The following PDZRN4 variants were observed in gnomAD, a reference collection of about 807,000 sequenced individuals.
PDZRN4 encodes PDZ domain-containing RING finger protein 4.
Under a neutral mutation model 99.0 loss-of-function variants are expected in PDZRN4, and 70 were observed. That is an observed-to-expected ratio of 0.71 (90% CI 0.58 to 0.86). PDZRN4 has a LOEUF of 0.86. Ranked by LOEUF, PDZRN4 falls within the 40% of genes least tolerant of loss-of-function variation. The probability of loss-of-function intolerance (pLI) is 0.00; values close to 1 mark genes in which losing one functional copy is unlikely to be tolerated. For synonymous variants in PDZRN4, 551 were observed against 501.6 expected (o/e 1.10, Z -1.32); for missense variants, 1,474 against 1,331.2 (o/e 1.11, Z -1.67).
intron 3 of PDZRN4, among the ~76,000 whole-genome samples, chr12:41,489,822 T>C (rs1421486310): frequency 6.6e-6 from 1 of 152,130 alleles, no homozygotes. Flanking sequence ...AGCCAATAGT[T>C]CTGGGCTCTG....
At chr12:41,379,549 A>AT (rs1352517214) in intron 3 of PDZRN4, among the ~76,000 whole-genome samples, 3 of 150,892 alleles carry the variant, frequency 2.0e-5, no homozygotes, top group Admixed American at 2.0e-4. Flanking sequence ...CATAAATGTC[A>AT]TTTTTTCCAT....
At chr12:41,444,206 G>A (rs993480717) in intron 3 of PDZRN4, among the ~76,000 whole-genome samples, 5 of 152,084 alleles carry the variant, frequency 3.3e-5, no homozygotes, top group Non-Finnish European at 7.4e-5. Context: ...GCTGCTGGGC[G>A]TGCTGTCAGC....
At chr12:41,355,267 C>A (rs1460857983) in intron 3 of PDZRN4, among the ~76,000 whole-genome samples, 1 of 152,028 alleles carries the variant, frequency 6.6e-6, no homozygotes, top group Non-Finnish European at 1.5e-5. Context: ...TGCTACTTTC[C>A]TTAAAGGTCA....
In PDZRN4 at chr12:41,570,960, T is replaced by C. The variant is rs574543824; in HGVS notation, c.1585-1404T>C. On this transcript the variant is annotated intron_variant, in intron 9 of 9. Transcript: ENST00000402685. ...CTCTCCTCTTGATATTGTTACTTTT[T>C]ATCCTGCCACTACTTTTGTGGAACA... Among the ~76,000 whole-genome samples, 1,120 of 151,968 alleles carry C rather than the reference T, an allele frequency of 7.4e-3. 20 individuals carry two copies. The highest frequency in any genetic ancestry group is 0.026 in the African/African-American group (1,070 of 41,442).
intron 3 of PDZRN4, among the ~76,000 whole-genome samples, chr12:41,261,513 G>C (rs1380719645): frequency 6.6e-6 from 1 of 152,156 alleles, no homozygotes; most frequent in Non-Finnish European, 1.5e-5. Flanking sequence ...TTTTTGAGAT[G>C]GAGTCTCGCT....
At chr12:41,369,494 TTC>T (rs1374030914) in intron 3 of PDZRN4, among the ~76,000 whole-genome samples, 1 of 152,074 alleles carries the variant, frequency 6.6e-6, no homozygotes, top group African/African-American at 2.4e-5. Flanking sequence ...ATTGTATCAA[TTC>T]TCTTTTTAAT....
chr12:41,332,688 A>G (rs1247987208), intron 3 of PDZRN4, among the ~76,000 whole-genome samples: 2 of 151,276 alleles, frequency 1.3e-5, no homozygotes, highest in East Asian at 3.9e-4. Flanking sequence ...CTGAGTACAA[A>G]CTACTCCAAA....
chr12:41,377,004 T>G (rs1481300986), intron 3 of PDZRN4, among the ~76,000 whole-genome samples: 1 of 152,222 alleles, frequency 6.6e-6, no homozygotes, highest in East Asian at 1.9e-4. Context: ...CCATTGTGTA[T>G]TCTTGGCACT....
At chr12:41,227,475 G>A (rs1176293452) in intron 3 of PDZRN4, among the ~76,000 whole-genome samples, 3 of 151,846 alleles carry the variant, frequency 2.0e-5, no homozygotes, top group African/African-American at 4.8e-5. Context: ...AACCAGCCTG[G>A]GCAACATGGC....
At chr12:41,572,027 A>T (rs917209086) in intron 9 of PDZRN4, among the ~76,000 whole-genome samples, 3 of 152,208 alleles carry the variant, frequency 2.0e-5, no homozygotes, top group African/African-American at 7.2e-5. Flanking sequence ...CACCTCAGAA[A>T]TTCATACAGT....
At chr12:41,299,420 C>T (rs965591884) in intron 3 of PDZRN4, among the ~76,000 whole-genome samples, 1 of 152,014 alleles carries the variant, frequency 6.6e-6, no homozygotes, top group Admixed American at 6.6e-5. Context: ...CTGTTGGACG[C>T]ACAATTTGTG....
chr12:41,536,506 T>C (rs1358762173), intron 5 of PDZRN4, among the ~76,000 whole-genome samples: 1 of 152,176 alleles, frequency 6.6e-6, no homozygotes, highest in Non-Finnish European at 1.5e-5. Flanking sequence ...GGTAGATACA[T>C]GCCATTATAC....
chr12:41,474,235 T>C (rs1347202305), intron 3 of PDZRN4, among the ~76,000 whole-genome samples: 4 of 152,236 alleles, frequency 2.6e-5, no homozygotes, highest in Non-Finnish European at 5.9e-5. Flanking sequence ...CACTGACATA[T>C]GACTTCTCAA....
At position 41,475,538 on chromosome 12, in the gene PDZRN4, A is replaced by G. The variant is rs556745331; in HGVS notation, c.844-30918A>G. Among the ~76,000 whole-genome samples, 3 of 152,332 alleles carry G rather than the reference A, an allele frequency of 2.0e-5. No homozygotes were observed. The East Asian group carries it at 5.8e-4, about 29-fold the overall frequency. ...GGAGAAACACATTCTTTGCAGCTTT[A>G]AATGGTATTGTAGAAAATTCTCATA... On this transcript the variant is annotated intron_variant, in intron 3 of 9. Coordinates refer to ENST00000402685, the MANE Select transcript of PDZRN4 (RefSeq NM_001164595.2).
intron 2 of PDZRN4, among the ~76,000 whole-genome samples, chr12:41,192,625 T>C (rs1950742204): frequency 6.6e-6 from 1 of 152,238 alleles, no homozygotes; most frequent in Non-Finnish European, 1.5e-5. Flanking sequence ...GTGCAATTAC[T>C]CAGTTTGAAG....
intron 3 of PDZRN4, among the ~76,000 whole-genome samples, chr12:41,502,463 A>G (rs1033867841): frequency 2.0e-5 from 3 of 151,962 alleles, no homozygotes; most frequent in African/African-American, 7.2e-5. Context: ...GCAAACTCAA[A>G]CCCCATAACA....
chr12:41,319,086 A>G (rs1951657630), intron 3 of PDZRN4, among the ~76,000 whole-genome samples: 1 of 152,146 alleles, frequency 6.6e-6, no homozygotes, highest in Non-Finnish European at 1.5e-5. Flanking sequence ...ATGCATCTTG[A>G]ATGCTTCAGA....
rs117166575 is a variant in PDZRN4 at position 41,340,442 on chromosome 12, G to T, written c.843+146254G>T. On this transcript the variant is annotated intron_variant, in intron 3 of 9. Coordinates refer to ENST00000402685, the MANE Select transcript of PDZRN4 (RefSeq NM_001164595.2). ...TACCAGAGGCTGGGAAGGGTAGTGA[G>T]GTTGGGGGTGAGGAAGTAGGGATGG... 2.2e-4 allele frequency among the ~76,000 whole-genome samples: 34 copies of T among 151,930 alleles called. No homozygotes were observed. The East Asian group carries it at 4.7e-3, about 21-fold the overall frequency.
At chr12:41,378,161 A>C (rs180753850) in intron 3 of PDZRN4, among the ~76,000 whole-genome samples, 1 of 152,208 alleles carries the variant, frequency 6.6e-6, no homozygotes. Flanking sequence ...TCTATACCCA[A>C]TTTGTTGAAG....
Sources: gnomAD v4.1 joint callset for allele counts (sites outside exome capture counted in the v4.1 genomes callset) on GRCh38, gnomAD v4.1.1 for gene constraint, MANE v1.5 for transcripts, NCBI Gene and HGNC (gene_info 2026-07-23, HGNC 2026-07-21) for gene names.